Variants in COL5A1 observed in about 807,000 individuals in gnomAD.
COL5A1 encodes collagen type V alpha 1 chain.
A neutral mutation model predicts 263.7 loss-of-function variants in COL5A1; 16 were observed. The ratio of observed to expected loss-of-function variants is 0.06; its 90% CI spans 0.04 to 0.09. COL5A1 has a LOEUF of 0.09. Ranked by LOEUF, COL5A1 falls within the 10% of genes least tolerant of loss-of-function variation. The pLI, the probability that COL5A1 is intolerant of heterozygous loss-of-function variation, is 1.00. For missense variants in COL5A1, 2,036 were observed against 2,540.5 expected (o/e 0.80, Z 4.27); for synonymous variants, 1,012 against 1,004.5 (o/e 1.01, Z -0.14).
At chr9:134,764,143 G>T (rs934975205) in intron 20 of COL5A1, among the ~76,000 whole-genome samples, 1 of 144,146 alleles carries the variant, frequency 6.9e-6, no homozygotes, top group Non-Finnish European at 1.5e-5. Flanking sequence ...GGGTACAGGG[G>T]CATCATTGGG....
At chr9:134,703,354 G>T (rs7028694) in intron 4 of COL5A1, among the ~76,000 whole-genome samples, 1 of 152,162 alleles carries the variant, frequency 6.6e-6, no homozygotes, top group African/African-American at 2.4e-5. Flanking sequence ...GGCTATTCTG[G>T]GGAGCTGGGG....
chr9:134,745,071 T>C (rs1363735598), intron 11 of COL5A1, among the ~76,000 whole-genome samples: 1 of 152,238 alleles, frequency 6.6e-6, no homozygotes, highest in African/African-American at 2.4e-5. Flanking sequence ...GTCACATTTA[T>C]CTTCAAAGCT....
rs1830115809 is a variant in COL5A1, at chr9:134,841,923, ACAC to A, written c.5371-229_5371-227del. On this transcript the variant is annotated intron_variant, in intron 65 of 65. Transcript: ENST00000371817. This position sits in a 1 kb window ranked among gnomAD's most constrained non-coding sequence, Gnocchi z 4.8. ...GGGTCCTGTCGCCTCGCTGATGCCC[ACAC>A]CACCCCACCTCCGACCTGTGCAGGG... 6.6e-6 allele frequency among the ~76,000 whole-genome samples: 1 copy of A among 152,016 alleles called. No individual in the cohort carries two copies. The highest frequency in any genetic ancestry group is 2.1e-4 in the South Asian group (1 of 4,810).
At chr9:134,745,716 C>T (rs866582502) in intron 11 of COL5A1, among the ~76,000 whole-genome samples, 7 of 152,102 alleles carry the variant, frequency 4.6e-5, no homozygotes, top group South Asian at 2.1e-4. Flanking sequence ...TTGGGATCCT[C>T]GGACAATTGA....
intron 20 of COL5A1, among the ~76,000 whole-genome samples, chr9:134,764,322 CAG>C (rs146565831): frequency 0.21 from 19,480 of 94,456 alleles, 1,710 homozygotes; most frequent in East Asian, 0.36. Context: ...TATAGGGGGT[CAG>C]GGGGCGGCAT....
chr9:134,725,294 G>C (rs1266035805), intron 4 of COL5A1, among the ~76,000 whole-genome samples: 1 of 152,202 alleles, frequency 6.6e-6, no homozygotes, highest in African/African-American at 2.4e-5. Flanking sequence ...CTCTGTTGTA[G>C]AGTGGGGATT....
At chr9:134,817,171 T>C (rs902475309) in intron 53 of COL5A1, 92 bp downstream of exon 53, 105 of 1,191,050 alleles carry the variant, frequency 8.8e-5, no homozygotes, top group Non-Finnish European at 1.2e-4. Context: ...CCCTGGGTGC[T>C]CTAAGCTGCA....
rs1026375576 is a variant in COL5A1, at chr9:134,772,710, A to T, written c.2287-80A>T. On this transcript the variant is annotated intron_variant, in intron 25 of 65. Coordinates refer to ENST00000371817, the MANE Select transcript of COL5A1 (RefSeq NM_000093.5). ...AGGGAAATGGGCTCCATGATCATGG[A>T]TGCTACGCAGGGAGGGGAAGCGAGG... 8 of 1,394,782 alleles carry T rather than the reference A, an allele frequency of 5.7e-6. No homozygotes were observed. In the East Asian group the frequency reaches 1.4e-4, roughly 24 times the overall value. 86.4% of individuals were successfully genotyped at this position (1,394,782 alleles called of 1,614,324 possible). A position where few individuals can be genotyped will look rare whatever the true frequency, so the allele number is the denominator to read the frequency against.
At chr9:134,753,700 G>C (rs913950006) in intron 14 of COL5A1, 150 bp from the exon 15 acceptor site, 2 of 672,372 alleles carry the variant, frequency 3.0e-6, no homozygotes, top group African/African-American at 3.5e-5. Flanking sequence ...CCCCGGTTCT[G>C]TTCGAGGCAG....
chr9:134,836,577 G>A (rs1564189000), intron 65 of COL5A1, among the ~76,000 whole-genome samples: 1 of 152,234 alleles, frequency 6.6e-6, no homozygotes, highest in Non-Finnish European at 1.5e-5. Context: ...TGGGTCCTCA[G>A]TGTGAGGCCT....
intron 65 of COL5A1, among the ~76,000 whole-genome samples, chr9:134,839,736 G>A (rs562396201): frequency 5.4e-4 from 82 of 152,198 alleles, no homozygotes; most frequent in Non-Finnish European, 1.1e-3. Flanking sequence ...CGGTGGGGAG[G>A]GTGAGGAGGT....
intron 1 of COL5A1, among the ~76,000 whole-genome samples, chr9:134,664,083 A>G (rs1319747155): frequency 6.6e-6 from 1 of 152,202 alleles, no homozygotes; most frequent in African/African-American, 2.4e-5. Flanking sequence ...GCAGAAATGT[A>G]GGGTTTGGTA....
At chr9:134,675,429 C>T (rs538262326) in intron 1 of COL5A1, among the ~76,000 whole-genome samples, 1 of 152,302 alleles carries the variant, frequency 6.6e-6, no homozygotes, top group Non-Finnish European at 1.5e-5. Context: ...CTAGTAACAT[C>T]GAATGTTATT....
In COL5A1 at chr9:134,716,705, C is replaced by T. The variant is rs143779550; in HGVS notation, c.655-10561C>T. On this transcript the variant is annotated intron_variant, in intron 4 of 65. Coordinates refer to ENST00000371817, the MANE Select transcript of COL5A1 (RefSeq NM_000093.5). The surrounding 1 kb of genome is among the most constrained non-coding windows in gnomAD (Gnocchi z 4.5). ...GAGCTGACCCTTCAGTCCCTGTGGC[C>T]AGCTTCAGGGTGTGCATGAGGCTGT... Among the ~76,000 whole-genome samples the T allele has an allele frequency of 1.7e-3, 256 of 152,294 alleles. No homozygotes were observed. Among genetic ancestry groups the T allele is most frequent in the African/African-American group, 6.0e-3 (249 of 41,572 alleles).
intron 9 of COL5A1, among the ~76,000 whole-genome samples, chr9:134,734,103 C>T (rs1835005444): frequency 6.6e-6 from 1 of 151,984 alleles, no homozygotes; most frequent in South Asian, 2.1e-4. Context: ...GGTGTCTGGG[C>T]TCCAGGAGGG....
At chr9:134,753,790 C>A in intron 14 of COL5A1, 60 bp from the exon 15 acceptor site, 1 of 1,194,022 alleles carries the variant, frequency 8.4e-7, no homozygotes, top group Non-Finnish European at 1.2e-6. Flanking sequence ...ACCCCCAGCC[C>A]TTCCTGTGTT....
chr9:134,844,735 C>G lies in COL5A1; in HGVS notation c.*2432C>G, dbSNP rs1369942895. The G allele has an allele frequency of 6.6e-6, 1 of 152,218 alleles. No individual in the cohort carries two copies. Among genetic ancestry groups the G allele is most frequent in the Non-Finnish European group, 1.5e-5 (1 of 68,038 alleles). 9.4% of individuals were successfully genotyped at this position (152,218 alleles called of 1,614,324 possible). A position where few individuals can be genotyped will look rare whatever the true frequency, so the allele number is the denominator to read the frequency against. ...CCGCTAGACATGTCATAAGTTTTAA[C>G]TGTAATGCCCAGGAAAGGATATCTT... On this transcript the variant is annotated 3_prime_UTR_variant, in exon 66 of 66. Transcript: ENST00000371817.
intron 61 of COL5A1, 96 bp from the exon 62 acceptor site, chr9:134,824,504 C>A: frequency 6.6e-7 from 1 of 1,520,640 alleles, no homozygotes; most frequent in Non-Finnish European, 8.9e-7. Context: ...CCCAGGGAAC[C>A]CCTGCAGATG....
chr9:134,765,572 C>A lies in COL5A1; in HGVS notation c.2035-109C>A. On this transcript the variant is annotated intron_variant, in intron 20 of 65. Transcript: ENST00000371817. The surrounding 1 kb of genome is among the most constrained non-coding windows in gnomAD (Gnocchi z 5.1). ...TCCTGGGAGGCCAGGAGGCCTGAGTCACCAGCTGGGGTTCTGGGTGGAGTC... is the reference window on the plus strand; with the variant it reads ...TCCTGGGAGGCCAGGAGGCCTGAGTAACCAGCTGGGGTTCTGGGTGGAGTC... The A allele has an allele frequency of 3.1e-6, 3 of 981,708 alleles. No homozygotes were observed. Among genetic ancestry groups the A allele is most frequent in the Non-Finnish European group, 4.9e-6 (3 of 615,626 alleles). 60.8% of individuals were successfully genotyped at this position (981,708 alleles called of 1,614,324 possible).
Sources: gnomAD v4.1 joint callset for allele counts (sites outside exome capture counted in the v4.1 genomes callset) on GRCh38, gnomAD v4.1.1 for gene constraint, Gnocchi (gnomAD v3.1) non-coding constraint, MANE v1.5 for transcripts, NCBI Gene and HGNC (gene_info 2026-07-23, HGNC 2026-07-21) for gene names.